DTNA: variants seen among roughly 807,000 people sequenced by gnomAD.
DTNA encodes dystrobrevin alpha.
In DTNA, 43 loss-of-function variants were observed where a neutral mutation model predicts 100.7. The observed-to-expected ratio is 0.43, with a 90% CI of 0.33 to 0.55. The LOEUF is 0.55. Ranked by LOEUF, DTNA falls within the 20% of genes least tolerant of loss-of-function variation. The probability of loss-of-function intolerance (pLI) is 0.04; values close to 1 mark genes in which losing one functional copy is unlikely to be tolerated. For synonymous variants in DTNA, 349 were observed against 347.9 expected, an observed-to-expected ratio of 1.00 and a Z score of -0.04; for missense variants, 798 against 953.9, an observed-to-expected ratio of 0.84 and a Z score of 2.15.
At chr18:34,698,539 A>G (rs1308827060) in intron 1 of DTNA, among the ~76,000 whole-genome samples, 1 of 152,196 alleles carries the variant, frequency 6.6e-6, no homozygotes, top group Non-Finnish European at 1.5e-5. Context: ...TTATACAGAT[A>G]CTAGTTGTCT....
At chr18:34,732,274 A>G (rs2088455892) in intron 1 of DTNA, among the ~76,000 whole-genome samples, 1 of 152,142 alleles carries the variant, frequency 6.6e-6, no homozygotes, top group African/African-American at 2.4e-5. Flanking sequence ...ATCTAACTTT[A>G]GTGTTATAGC....
rs60829425 is a variant in DTNA, at chr18:34,505,109, G to A, written c.-2+11595G>A. On this transcript the variant is annotated intron_variant, in intron 1 of 19. Coordinates refer to the DTNA transcript ENST00000283365. ...AGAACTCAAAAATCAGTTTCACAGG[G>A]CTAACGTCAAGGTGTTAGCAAGGCT... Among the ~76,000 whole-genome samples, 970 of 152,284 alleles carry A rather than the reference G, an allele frequency of 6.4e-3. 15 individuals carry two copies. Among genetic ancestry groups the A allele is most frequent in the African/African-American group, 0.022 (930 of 41,556 alleles).
rs142654002 is a variant in DTNA, at chr18:34,556,271, C to T, written c.-2+62757C>T. Among the ~76,000 whole-genome samples, 56 of 152,034 alleles carry T rather than the reference C, an allele frequency of 3.7e-4. 1 individual carries two copies. Among genetic ancestry groups the T allele is most frequent in the Middle Eastern group, 3.4e-3 (1 of 294 alleles). On this transcript the variant is annotated intron_variant, in intron 1 of 19. Transcript: ENST00000283365. ...TTTTGAGCGTATGTGTGTCTCTGCA[C>T]GTGAGATGGGTTTCCTGAATACAGC...
intron 1 of DTNA, among the ~76,000 whole-genome samples, chr18:34,502,171 A>G (rs2039995168): frequency 6.6e-6 from 1 of 152,140 alleles, no homozygotes; most frequent in Non-Finnish European, 1.5e-5. Context: ...ATTACTCCTA[A>G]TATTTCAAAT....
Position 34,505,257 on chromosome 18 carries a change from G to C in DTNA, c.-2+11743G>C, listed in dbSNP as rs183403682. 2.6e-3 allele frequency among the ~76,000 whole-genome samples: 390 copies of C among 152,160 alleles called. 2 individuals are homozygous for C. Among genetic ancestry groups the C allele is most frequent in the African/African-American group, 9.1e-3 (376 of 41,468 alleles). ...ACTCCAATTTCTTTCCTCTGTCATC[G>C]TATCTCCTACTTACTTTTCTGCGGC... On this transcript the variant is annotated intron_variant, in intron 1 of 19. Coordinates refer to the DTNA transcript ENST00000283365.
chr18:34,863,998 C>G lies in DTNA; in HGVS notation c.1679C>G (p.Ser560Cys). The change falls in exon 17 of 23, where the codon TCT becomes TGT. Residue 560 changes from serine (S) to cysteine (C), a missense_variant. By Grantham distance (112) the Ser-to-Cys change is moderately radical. Coordinates refer to ENST00000444659, the MANE Select transcript of DTNA (RefSeq NM_001386795.1). ...QRKDELEQRM[S>C]ALQESRRELM... Reference sequence around the variant, plus strand: ...AAAGATGAGCTGGAACAGAGAATGTCTGCTCTCCAGGAGAGCCGGAGAGAG... The same window carrying G: ...AAAGATGAGCTGGAACAGAGAATGTGTGCTCTCCAGGAGAGCCGGAGAGAG... 2 of 1,612,364 alleles carry G rather than the reference C, an allele frequency of 1.2e-6. No individual in the cohort carries two copies. Among genetic ancestry groups the G allele is most frequent in the Non-Finnish European group, 8.5e-7 (1 of 1,179,312 alleles).
At chr18:34,821,080 G>A in intron 9 of DTNA, 165 bp downstream of exon 9, 1 of 994,476 alleles carries the variant, frequency 1.0e-6, no homozygotes. Context: ...TGTTGTTGAG[G>A]TGTACAGTAC....
intron 13 of DTNA, 139 bp from the exon 14 acceptor site, chr18:34,848,157 G>A: frequency 1.3e-6 from 1 of 766,890 alleles, no homozygotes. Flanking sequence ...GTCTGAGATT[G>A]TTATTCTAAC....
At chr18:34,818,532 T>C in intron 8 of DTNA, 1 of 1,452,716 alleles carries the variant, frequency 6.9e-7, no homozygotes, top group Non-Finnish European at 9.1e-7. Flanking sequence ...CTTCCTGAGA[T>C]TTAAAATATA....
At chr18:34,637,137 G>T (rs932221126) in intron 1 of DTNA, among the ~76,000 whole-genome samples, 1 of 152,174 alleles carries the variant, frequency 6.6e-6, no homozygotes, top group East Asian at 1.9e-4. Flanking sequence ...CTCCCTAATT[G>T]TTCCAAGAGA....
intron 1 of DTNA, among the ~76,000 whole-genome samples, chr18:34,728,975 C>T (rs2087420132): frequency 6.6e-6 from 1 of 152,062 alleles, no homozygotes; most frequent in African/African-American, 2.4e-5. Flanking sequence ...CACCCGGGGT[C>T]CCTTCAGTTG....
intron 1 of DTNA, among the ~76,000 whole-genome samples, chr18:34,602,469 G>A (rs2147224691): frequency 6.6e-6 from 1 of 152,280 alleles, no homozygotes; most frequent in South Asian, 2.1e-4. Context: ...TTAACCCAGT[G>A]TTTTCCAGTG....
At chr18:34,627,724 A>G (rs1386650500) in intron 1 of DTNA, among the ~76,000 whole-genome samples, 2 of 152,184 alleles carry the variant, frequency 1.3e-5, no homozygotes, top group African/African-American at 4.8e-5. Context: ...AGGATGATGC[A>G]CATGATTGTG....
chr18:34,582,678 T>G (rs1216583982), intron 1 of DTNA, among the ~76,000 whole-genome samples: 1 of 152,202 alleles, frequency 6.6e-6, no homozygotes, highest in Non-Finnish European at 1.5e-5. Flanking sequence ...GGGCCAACTC[T>G]TACAGTTGGA....
At position 34,887,828 on chromosome 18, in the gene DTNA, T is replaced by A. The variant is rs2096936809; in HGVS notation, c.*94T>A. On this transcript the variant is annotated 3_prime_UTR_variant, in exon 23 of 23. Transcript: ENST00000444659. ...AAACTGGTGATGATGGAGAGCCCTG[T>A]GGCCACACAGAGGAGGAAGACAGCA... 1.0e-6 allele frequency: 1 copy of A among 985,970 alleles called. No homozygotes were observed. Among genetic ancestry groups the A allele is most frequent in the African/African-American group, 1.7e-5 (1 of 57,218 alleles). The allele number at this position is 985,970 out of a possible 1,614,324, so 61.1% of individuals were successfully genotyped here.
Position 34,583,190 on chromosome 18 carries a change from G to T in DTNA, c.-2+89676G>T, listed in dbSNP as rs149224463. ...ACAACATGTAATGTCAGAATAAAAG[G>T]ATCTCCTTAGTCTAATTGAATGTTG... On this transcript the variant is annotated intron_variant, in intron 1 of 19. Transcript: ENST00000283365. 1.1e-4 allele frequency among the ~76,000 whole-genome samples: 16 copies of T among 152,246 alleles called. No individual in the cohort carries two copies. In the East Asian group the frequency reaches 3.1e-3, roughly 29 times the overall value.
intron 1 of DTNA, among the ~76,000 whole-genome samples, chr18:34,620,352 C>A (rs893925750): frequency 2.6e-5 from 4 of 152,012 alleles, no homozygotes; most frequent in African/African-American, 9.7e-5. Flanking sequence ...TTTGAATGCT[C>A]ATATCAAAAA....
intron 16 of DTNA, among the ~76,000 whole-genome samples, chr18:34,860,225 T>TG (rs1568812951): frequency 7.7e-6 from 1 of 129,164 alleles, no homozygotes; most frequent in African/African-American, 3.1e-5. Flanking sequence ...TTTTTGTTTT[T>TG]TTTTTTTTTT....
intron 6 of DTNA, among the ~76,000 whole-genome samples, chr18:34,815,269 A>AACTT (rs1181606737): frequency 6.6e-6 from 1 of 152,172 alleles, no homozygotes; most frequent in African/African-American, 2.4e-5. Context: ...TTTTGAAAGA[A>AACTT]ACTTATAGAT....
Sources: allele counts gnomAD v4.1 joint callset (sites outside exome capture counted in the v4.1 genomes callset), GRCh38; gene constraint gnomAD v4.1.1; transcripts MANE v1.5; gene names NCBI Gene and HGNC (gene_info 2026-07-23, HGNC 2026-07-21).